Variants in MYO5B observed in about 807,000 individuals in gnomAD.
MYO5B encodes unconventional myosin-Vb.
MYO5B carries 143 observed loss-of-function variants against 229.3 expected under a neutral mutation model. The observed-to-expected ratio is 0.62, with a 90% confidence interval of 0.54 to 0.72. The LOEUF is 0.72. Ranked by LOEUF, MYO5B falls within the 30% of genes least tolerant of loss-of-function variation. The pLI is 0.00. For synonymous variants in MYO5B, 918 were observed against 885.2 expected, an observed-to-expected ratio of 1.04 and a Z score of -0.66; for missense variants, 2,321 against 2,331.0, an observed-to-expected ratio of 1.00 and a Z score of 0.09.
chr18:49,920,308 A>T (rs1018818541), intron 17 of MYO5B, among the ~76,000 whole-genome samples: 1 of 152,230 alleles, frequency 6.6e-6, no homozygotes, highest in African/African-American at 2.4e-5. Context: ...GATAAATTAT[A>T]TCTAAATTTT....
Position 49,902,605 on chromosome 18 carries a change from T to A in MYO5B, c.2800A>T (p.Ile934Phe). 1 of 1,612,548 alleles carries A rather than the reference T, an allele frequency of 6.2e-7. No homozygotes were observed. Among genetic ancestry groups the A allele is most frequent in the South Asian group, 1.1e-5 (1 of 91,074 alleles). ...ENKVVQLQRK[I>F]DEQNKEFKTL... ...CTGCAGACACTGACCTGCTCATCGA[T>A]CTTCCGCTGCAGCTGGACCACCTTG... is the stretch of plus-strand genomic sequence containing the variant. The change falls in exon 21 of 40, where the codon ATC becomes TTC. Residue 934 changes from isoleucine (I) to phenylalanine (F), a missense_variant. Ile to Phe is a conservative substitution (Grantham distance 21, BLOSUM62 0). This residue lies in a region of MYO5B where 2,113 missense variants were observed against 2,044.7 expected (regional missense o/e 1.03). Coordinates refer to ENST00000285039, the MANE Select transcript of MYO5B (RefSeq NM_001080467.3).
intron 22 of MYO5B, among the ~76,000 whole-genome samples, chr18:49,892,199 C>T (rs906163208): frequency 2.6e-5 from 4 of 152,228 alleles, no homozygotes; most frequent in African/African-American, 9.6e-5. Context: ...GTACACAATG[C>T]ACAGGCTAAA....
intron 8 of MYO5B, 33 bp downstream of exon 8, chr18:49,984,685 G>C (rs372168501): frequency 1.3e-6 from 2 of 1,523,338 alleles, no homozygotes; most frequent in African/African-American, 2.7e-5. Context: ...ATCAGCCCTC[G>C]GGGCCTGCTT....
At chr18:49,862,384 C>T (rs1236259126) in intron 29 of MYO5B, among the ~76,000 whole-genome samples, 3 of 152,160 alleles carry the variant, frequency 2.0e-5, no homozygotes, top group Non-Finnish European at 4.4e-5. Flanking sequence ...TCATCATGTG[C>T]GCACCACAGG....
chr18:49,981,482 A>C (rs563332706), intron 8 of MYO5B, among the ~76,000 whole-genome samples: 2 of 152,258 alleles, frequency 1.3e-5, no homozygotes, highest in South Asian at 4.1e-4. Context: ...GGACAACCCA[A>C]GCAACATTAA....
intron 1 of MYO5B, among the ~76,000 whole-genome samples, chr18:50,132,684 T>G (rs1230108416): frequency 1.3e-5 from 2 of 152,196 alleles, no homozygotes; most frequent in Non-Finnish European, 2.9e-5. Flanking sequence ...AGCCCAGGAA[T>G]AGATTATGGT....
At chr18:49,984,965 T>C (rs1244544449) in intron 7 of MYO5B, 140 bp from the exon 8 acceptor site, 12 of 705,748 alleles carry the variant, frequency 1.7e-5, no homozygotes, top group Non-Finnish European at 2.1e-5. Flanking sequence ...CTCTTTAAAA[T>C]AGTCTTTATC....
intron 17 of MYO5B, among the ~76,000 whole-genome samples, chr18:49,923,687 C>T (rs1295080399): frequency 6.6e-6 from 1 of 152,212 alleles, no homozygotes; most frequent in African/African-American, 2.4e-5. Flanking sequence ...CTTCTAGCTC[C>T]TCCCTAACGT....
At chr18:49,935,369 C>A (rs886531942) in intron 16 of MYO5B, among the ~76,000 whole-genome samples, 10 of 152,226 alleles carry the variant, frequency 6.6e-5, no homozygotes, top group African/African-American at 2.4e-4. Flanking sequence ...GGCTCCCACA[C>A]TGGATAAGGC....
intron 4 of MYO5B, among the ~76,000 whole-genome samples, chr18:50,019,298 CCACAGTGAGAAGG>C (rs1319616385): frequency 5.3e-5 from 8 of 152,152 alleles, no homozygotes; most frequent in Admixed American, 4.6e-4. Context: ...AACGACTAAG[CCACAGTGAGAAGG>C]CACAACCTGC....
intron 1 of MYO5B, among the ~76,000 whole-genome samples, chr18:50,102,775 C>G (rs933810360): frequency 6.6e-6 from 1 of 151,982 alleles, no homozygotes; most frequent in Non-Finnish European, 1.5e-5. Context: ...CATTAAAATA[C>G]TAGCCTGTCC....
chr18:49,854,660 A>C (rs910446128), intron 30 of MYO5B, among the ~76,000 whole-genome samples: 1 of 152,238 alleles, frequency 6.6e-6, no homozygotes, highest in African/African-American at 2.4e-5. Context: ...AGGAATGCAC[A>C]TAACAATTAT....
intron 4 of MYO5B, among the ~76,000 whole-genome samples, chr18:50,011,586 C>A (rs1363636953): frequency 6.6e-6 from 1 of 152,072 alleles, no homozygotes. Flanking sequence ...GATGGCTCAG[C>A]AATGAGCAGG....
chr18:49,990,362 T>C, intron 7 of MYO5B, 77 bp downstream of exon 7: 4 of 1,262,914 alleles, frequency 3.2e-6, no homozygotes, highest in Non-Finnish European at 4.6e-6. Context: ...ACGGAGGGCT[T>C]TGAGCAGAGC....
intron 22 of MYO5B, among the ~76,000 whole-genome samples, chr18:49,884,561 C>G (rs1490804650): frequency 6.6e-6 from 1 of 151,840 alleles, no homozygotes; most frequent in African/African-American, 2.4e-5. Flanking sequence ...GATTTGTGCT[C>G]CTATGAGAAT....
At chr18:50,034,773 C>CA (rs1485306842) in intron 4 of MYO5B, among the ~76,000 whole-genome samples, 1 of 151,684 alleles carries the variant, frequency 6.6e-6, no homozygotes, top group Admixed American at 6.6e-5. Flanking sequence ...ACAAAAAAAC[C>CA]AAAAAAACAA....
chr18:50,096,323 G>A (rs928414003), intron 1 of MYO5B, among the ~76,000 whole-genome samples: 7 of 152,098 alleles, frequency 4.6e-5, no homozygotes, highest in African/African-American at 1.7e-4. Context: ...TTCAACATCT[G>A]CTTCTCACAC....
intron 1 of MYO5B, among the ~76,000 whole-genome samples, chr18:50,068,227 C>T (rs2030871155): frequency 6.6e-6 from 1 of 152,192 alleles, no homozygotes; most frequent in Admixed American, 6.5e-5. Context: ...ATGGTAGATA[C>T]TGAAATATGT....
At chr18:49,975,466 G>GTCCTATGCT (rs777760127) in intron 9 of MYO5B, among the ~76,000 whole-genome samples, 4 of 152,156 alleles carry the variant, frequency 2.6e-5, no homozygotes, top group Non-Finnish European at 5.9e-5. Flanking sequence ...ACCCTGCATT[G>GTCCTATGCT]TCCTATGCTT....
Sources: allele counts gnomAD v4.1 joint callset (sites outside exome capture counted in the v4.1 genomes callset), GRCh38; gene constraint gnomAD v4.1.1; regional missense constraint gnomAD v4.1.1; transcripts MANE v1.5; gene names NCBI Gene and HGNC (gene_info 2026-07-23, HGNC 2026-07-21).